The following RORA variants were observed in gnomAD, a reference collection of about 807,000 sequenced individuals.
RORA encodes the protein nuclear receptor ROR-alpha.
A neutral mutation model predicts 69.5 loss-of-function variants in RORA; 7 were observed. The observed-to-expected ratio is 0.10, with a 90% CI of 0.06 to 0.19. The LOEUF is 0.19. Ranked by LOEUF, RORA falls within the 10% of genes least tolerant of loss-of-function variation. RORA has a pLI of 1.00. For synonymous variants in RORA, 261 were observed against 240.8 expected (o/e 1.08, Z -0.78); for missense variants, 457 against 663.0 (o/e 0.69, Z 3.41).
intron 2 of RORA, among the ~76,000 whole-genome samples, chr15:60,620,280 G>T (rs2069369949): frequency 6.6e-6 from 1 of 152,152 alleles, no homozygotes; most frequent in Non-Finnish European, 1.5e-5. Flanking sequence ...AAGACCTCAT[G>T]GTATTAGCTC....
intron 1 of RORA, among the ~76,000 whole-genome samples, chr15:60,851,431 T>TGTTG (rs1427818937): frequency 6.6e-6 from 1 of 152,124 alleles, no homozygotes; most frequent in Non-Finnish European, 1.5e-5. Context: ...GGGTTGCATG[T>TGTTG]GTTGGCAGCC....
At chr15:60,908,346 T>A (rs762830358) in intron 1 of RORA, among the ~76,000 whole-genome samples, 1 of 152,146 alleles carries the variant, frequency 6.6e-6, no homozygotes, top group Admixed American at 6.5e-5. Flanking sequence ...AAACAAAAAA[T>A]ACTAATCAAA....
chr15:60,746,571 G>C (rs1291177330), intron 1 of RORA, among the ~76,000 whole-genome samples: 1 of 152,160 alleles, frequency 6.6e-6, no homozygotes, highest in Non-Finnish European at 1.5e-5. Context: ...ACTCCTGGTA[G>C]CCGGTCCCAA....
chr15:61,149,647 T>C (rs940949854), intron 1 of RORA, among the ~76,000 whole-genome samples: 6 of 152,136 alleles, frequency 3.9e-5, no homozygotes, highest in African/African-American at 1.4e-4. Flanking sequence ...TGAGATTCCA[T>C]ATGAACTCCA....
chr15:60,666,516 G>GC, intron 2 of RORA, among the ~76,000 whole-genome samples: 2 of 151,826 alleles, frequency 1.3e-5, no homozygotes, highest in African/African-American at 4.8e-5. Flanking sequence ...GTAGGACAAA[G>GC]CTACATAAAC....
At chr15:60,607,360 T>C (rs577034562) in intron 2 of RORA, among the ~76,000 whole-genome samples, 1 of 152,342 alleles carries the variant, frequency 6.6e-6, no homozygotes, top group East Asian at 1.9e-4. Context: ...CCCTTCCCCC[T>C]ATAAAGTGAT....
chr15:61,048,253 C>A (rs781346871), intron 1 of RORA, among the ~76,000 whole-genome samples: 61 of 152,310 alleles, frequency 4.0e-4, no homozygotes, highest in Middle Eastern at 3.4e-3. Flanking sequence ...TGTTCTCATG[C>A]GTAAGCCTTT....
chr15:60,659,805 G>A (rs1000763179), intron 2 of RORA, among the ~76,000 whole-genome samples: 1 of 152,110 alleles, frequency 6.6e-6, no homozygotes, highest in Admixed American at 6.6e-5. Flanking sequence ...CTACCACTAT[G>A]TTCCCATCCC....
At chr15:61,046,843 G>A (rs1566962564) in intron 1 of RORA, among the ~76,000 whole-genome samples, 1 of 152,150 alleles carries the variant, frequency 6.6e-6, no homozygotes, top group African/African-American at 2.4e-5. Context: ...TTTTGACTTC[G>A]AGGCTGCTCT....
intron 1 of RORA, among the ~76,000 whole-genome samples, chr15:61,073,007 A>G (rs577373272): frequency 1.3e-5 from 2 of 152,360 alleles, no homozygotes; most frequent in East Asian, 1.9e-4. Flanking sequence ...GTAGTTTTGC[A>G]CCAAAAGAAG....
intron 1 of RORA, among the ~76,000 whole-genome samples, chr15:60,984,862 A>C (rs1278929366): frequency 1.4e-5 from 2 of 139,542 alleles, no homozygotes; most frequent in African/African-American, 5.4e-5. Context: ...TTCCTTCTTT[A>C]ACAAAAGTAT....
chr15:60,775,705 C>T lies in RORA; in HGVS notation c.167-97019G>A, dbSNP rs114080381. Among the ~76,000 whole-genome samples, 815 of 152,296 alleles carry T rather than the reference C, an allele frequency of 5.4e-3. 6 individuals are homozygous for T. Among genetic ancestry groups the T allele is most frequent in the African/African-American group, 0.019 (782 of 41,556 alleles). ...CAACATATTCCCTGGGGGGAAACAA[C>T]GGTCTCTTTTCCTATTAATGAACAG... On this transcript the variant is annotated intron_variant, in intron 1 of 10. Transcript: ENST00000335670.
chr15:60,648,536 C>T (rs2070092885), intron 2 of RORA, among the ~76,000 whole-genome samples: 1 of 152,142 alleles, frequency 6.6e-6, no homozygotes, highest in Admixed American at 6.5e-5. Context: ...TGCCACATGC[C>T]ATGGATTAAA....
intron 1 of RORA, among the ~76,000 whole-genome samples, chr15:61,139,433 C>G (rs921465498): frequency 6.6e-6 from 1 of 152,122 alleles, no homozygotes; most frequent in Non-Finnish European, 1.5e-5. Context: ...AAAAACAAAC[C>G]AACAAAGTAA....
chr15:61,166,655 G>A, intron 1 of RORA, among the ~76,000 whole-genome samples: 1 of 152,186 alleles, frequency 6.6e-6, no homozygotes, highest in African/African-American at 2.4e-5. Context: ...TGTGGCCTCA[G>A]AGAGGTCATC....
intron 1 of RORA, among the ~76,000 whole-genome samples, chr15:61,194,421 G>C (rs573503646): frequency 6.6e-6 from 1 of 151,982 alleles, no homozygotes; most frequent in Non-Finnish European, 1.5e-5. Flanking sequence ...TTAGCCGGGC[G>C]TAGTGGTGGT....
intron 2 of RORA, among the ~76,000 whole-genome samples, chr15:60,617,661 G>GAGAC (rs2069284050): frequency 1.3e-5 from 1 of 75,918 alleles, no homozygotes; most frequent in Non-Finnish European, 2.3e-5. Flanking sequence ...CATACAGACA[G>GAGAC]AGAGAGAGAG....
At chr15:61,201,346 T>G (rs372993674) in intron 1 of RORA, among the ~76,000 whole-genome samples, 15 of 152,202 alleles carry the variant, frequency 9.9e-5, no homozygotes, top group African/African-American at 3.1e-4. Flanking sequence ...TGGAGAGGCC[T>G]GGGTTAGGGG....
chr15:60,690,983 C>T (rs1394151183), intron 1 of RORA, among the ~76,000 whole-genome samples: 1 of 152,202 alleles, frequency 6.6e-6, no homozygotes, highest in Non-Finnish European at 1.5e-5. Flanking sequence ...TAAGAGGGTC[C>T]TACATGATCC....
Sources: gnomAD v4.1 joint callset for allele counts (sites outside exome capture counted in the v4.1 genomes callset) on GRCh38, gnomAD v4.1.1 for gene constraint, MANE v1.5 for transcripts, NCBI Gene and HGNC (gene_info 2026-07-23, HGNC 2026-07-21) for gene names.